DCDC1: variants seen among roughly 807,000 people sequenced by gnomAD.
The protein encoded by DCDC1 is doublecortin domain containing 1, also known as doublecortin domain-containing protein 1.
A neutral mutation model predicts 178.3 loss-of-function variants in DCDC1; 200 were observed. That is an observed-to-expected ratio of 1.12 (90% CI 1.00 to 1.26). DCDC1 has a LOEUF of 1.26. DCDC1 is among the 50% of genes most tolerant of loss of function. The pLI is 0.00. For missense variants in DCDC1, 1,983 were observed against 1,749.2 expected (o/e 1.13, Z -2.38); for synonymous variants, 690 against 604.8 (o/e 1.14, Z -2.07).
intron 11 of DCDC1, among the ~76,000 whole-genome samples, chr11:31,114,427 G>GA (rs1959548321): frequency 6.6e-6 from 1 of 151,268 alleles, no homozygotes; most frequent in Non-Finnish European, 1.5e-5. Context: ...ATGTAAAGGA[G>GA]AAAAAATACA....
At chr11:31,329,026 G>A (rs1343224715) in intron 2 of DCDC1, among the ~76,000 whole-genome samples, 1 of 121,014 alleles carries the variant, frequency 8.3e-6, no homozygotes, top group Non-Finnish European at 1.6e-5. Flanking sequence ...TGATTCTGAT[G>A]GGTCTGTCAA....
chr11:31,271,314 A>G (rs1238432442), intron 7 of DCDC1, among the ~76,000 whole-genome samples: 2 of 152,256 alleles, frequency 1.3e-5, no homozygotes, highest in African/African-American at 4.8e-5. Flanking sequence ...CAGCTTTTAA[A>G]GCAGTTTGTA....
intron 8 of DCDC1, among the ~76,000 whole-genome samples, chr11:31,250,423 T>C (rs7943521): frequency 0.17 from 15,762 of 95,054 alleles, 2,228 homozygotes; most frequent in Non-Finnish European, 0.25. Flanking sequence ...CACATATACA[T>C]ATATATGTAT....
At chr11:31,124,091 T>C (rs1319770906) in intron 11 of DCDC1, among the ~76,000 whole-genome samples, 3 of 152,060 alleles carry the variant, frequency 2.0e-5, no homozygotes, top group Non-Finnish European at 4.4e-5. Flanking sequence ...CATCCTTGTC[T>C]TGTACCAGTT....
chr11:31,062,468 T>C lies in DCDC1; in HGVS notation c.2591+2001A>G, dbSNP rs1056984991. On this transcript the variant is annotated intron_variant, in intron 20 of 38. Coordinates refer to ENST00000684477, the MANE Select transcript of DCDC1 (RefSeq NM_001387274.1). ...TCCGGCTGCTCAGCCTGTGGTCCTATTGTAGATGGAGCATCAGGGAGCTGA... is the reference window on the plus strand; with the variant it reads ...TCCGGCTGCTCAGCCTGTGGTCCTACTGTAGATGGAGCATCAGGGAGCTGA... Among the ~76,000 whole-genome samples the C allele has an allele frequency of 5.9e-5, 9 of 152,204 alleles. 1 individual carries two copies. Among genetic ancestry groups the C allele is most frequent in the African/African-American group, 4.8e-5 (2 of 41,542 alleles).
intron 21 of DCDC1, among the ~76,000 whole-genome samples, chr11:30,932,578 A>G (rs1229511951): frequency 1.3e-5 from 2 of 152,194 alleles, no homozygotes; most frequent in Non-Finnish European, 2.9e-5. Flanking sequence ...TGAACCACAC[A>G]AGATACTCTT....
intron 21 of DCDC1, among the ~76,000 whole-genome samples, chr11:30,951,441 T>C (rs545756506): frequency 4.6e-5 from 7 of 152,166 alleles, no homozygotes; most frequent in East Asian, 1.9e-4. Context: ...TAAAAGAAGG[T>C]TGTATTCAGC....
At chr11:30,878,489 A>G in intron 38 of DCDC1, 55 bp downstream of exon 38, 3 of 1,370,964 alleles carry the variant, frequency 2.2e-6, no homozygotes, top group Non-Finnish European at 2.9e-6. Context: ...TGAAAATAAA[A>G]GAGATAAATA....
At chr11:30,880,136 G>A (rs907470742) in intron 37 of DCDC1, among the ~76,000 whole-genome samples, 6 of 152,120 alleles carry the variant, frequency 3.9e-5, no homozygotes, top group African/African-American at 1.4e-4. Context: ...CTGATAATAA[G>A]AACCTCATCA....
chr11:31,071,231 C>T (rs116182054), intron 18 of DCDC1, among the ~76,000 whole-genome samples: 241 of 152,262 alleles, frequency 1.6e-3, no homozygotes, highest in African/African-American at 5.7e-3. Context: ...GTGATGCCAA[C>T]ATTTGGTATT....
intron 17 of DCDC1, among the ~76,000 whole-genome samples, chr11:31,081,647 G>A (rs1957184562): frequency 6.6e-6 from 1 of 151,942 alleles, no homozygotes; most frequent in Admixed American, 6.6e-5. Flanking sequence ...AAATAATTCT[G>A]AAAGAAATGC....
chr11:30,916,477 A>G (rs766354934), intron 26 of DCDC1, among the ~76,000 whole-genome samples: 1 of 152,196 alleles, frequency 6.6e-6, no homozygotes, highest in Non-Finnish European at 1.5e-5. Flanking sequence ...AAAAAACATT[A>G]AACTAAAAAG....
At chr11:31,264,954 T>C (rs1945045931) in intron 8 of DCDC1, among the ~76,000 whole-genome samples, 3 of 152,174 alleles carry the variant, frequency 2.0e-5, no homozygotes, top group Admixed American at 6.5e-5. Context: ...AGTTGCTAAA[T>C]GCTACAAATC....
chr11:31,244,319 A>C (rs1178133824), intron 8 of DCDC1, among the ~76,000 whole-genome samples: 1 of 151,742 alleles, frequency 6.6e-6, no homozygotes, highest in Non-Finnish European at 1.5e-5. Flanking sequence ...GTTTTAGTGG[A>C]TATTCCTAAT....
At chr11:31,162,308 T>G (rs1415465760) in intron 9 of DCDC1, among the ~76,000 whole-genome samples, 1 of 152,088 alleles carries the variant, frequency 6.6e-6, no homozygotes, top group Non-Finnish European at 1.5e-5. Flanking sequence ...AAGGAATAAG[T>G]TGTAGTGATT....
chr11:31,321,619 G>C (rs958504388), intron 3 of DCDC1, among the ~76,000 whole-genome samples: 3 of 152,182 alleles, frequency 2.0e-5, no homozygotes, highest in East Asian at 1.9e-4. Flanking sequence ...CGTCTTCTGC[G>C]TCGCTCACGC....
chr11:31,218,190 T>C (rs971950808), intron 9 of DCDC1, among the ~76,000 whole-genome samples: 2 of 152,022 alleles, frequency 1.3e-5, no homozygotes, highest in Middle Eastern at 3.4e-3. Context: ...AATGAGAACA[T>C]TGAAAAAGAA....
At chr11:31,304,245 A>C (rs1948309525) in intron 6 of DCDC1, among the ~76,000 whole-genome samples, 1 of 152,192 alleles carries the variant, frequency 6.6e-6, no homozygotes, top group African/African-American at 2.4e-5. Flanking sequence ...TCTCTTCTAC[A>C]ATACCATTAT....
At chr11:30,931,144 A>C (rs1176231419) in intron 22 of DCDC1, among the ~76,000 whole-genome samples, 1 of 152,134 alleles carries the variant, frequency 6.6e-6, no homozygotes, top group African/African-American at 2.4e-5. Flanking sequence ...TCAATGATCT[A>C]TGATGCCTTT....
Sources: allele counts gnomAD v4.1 joint callset (sites outside exome capture counted in the v4.1 genomes callset), GRCh38; gene constraint gnomAD v4.1.1; transcripts MANE v1.5; gene names NCBI Gene and HGNC (gene_info 2026-07-23, HGNC 2026-07-21).